Variants in NEO1 observed in about 807,000 individuals in gnomAD.
NEO1 encodes neogenin.
In NEO1, 63 loss-of-function variants were observed where a neutral mutation model predicts 159.7. The observed-to-expected ratio is 0.39, with a 90% CI of 0.32 to 0.49. NEO1 has a LOEUF of 0.49. Among genes scored for constraint, NEO1 ranks in the 20% least tolerant of loss-of-function variants. The pLI is 0.85. For synonymous variants in NEO1, 633 were observed against 662.0 expected (o/e 0.96, Z 0.67); for missense variants, 1,615 against 1,831.0 (o/e 0.88, Z 2.15).
intron 1 of NEO1, among the ~76,000 whole-genome samples, chr15:73,081,905 C>T (rs987816562): frequency 2.1e-5 from 3 of 141,752 alleles, no homozygotes; most frequent in Non-Finnish European, 3.0e-5. Context: ...CTTGCTCTGT[C>T]ACCCAGGCTT....
intron 5 of NEO1, among the ~76,000 whole-genome samples, chr15:73,163,197 A>C (rs913870936): frequency 5.3e-5 from 8 of 152,194 alleles, no homozygotes; most frequent in Non-Finnish European, 1.0e-4. Flanking sequence ...GAATGACAAC[A>C]AAAAACATGT....
chr15:73,160,439 T>A (rs139713057), intron 5 of NEO1, among the ~76,000 whole-genome samples: 1 of 152,302 alleles, frequency 6.6e-6, no homozygotes, highest in Non-Finnish European at 1.5e-5. Flanking sequence ...CCTCACCATT[T>A]CCATGTAGAG....
chr15:73,081,530 G>A (rs994265812), intron 1 of NEO1, among the ~76,000 whole-genome samples: 1 of 151,782 alleles, frequency 6.6e-6, no homozygotes, highest in Admixed American at 6.6e-5. Context: ...CCAGAACGTA[G>A]TATGGATCTG....
intron 7 of NEO1, among the ~76,000 whole-genome samples, chr15:73,218,452 G>A (rs1053298170): frequency 1.4e-4 from 21 of 151,990 alleles, no homozygotes; most frequent in African/African-American, 5.1e-4. Flanking sequence ...AAATGAGTTA[G>A]GGAGGATTCC....
intron 9 of NEO1, 27 bp downstream of exon 9, chr15:73,244,525 C>G (rs747203647): frequency 6.2e-7 from 1 of 1,609,434 alleles, no homozygotes; most frequent in Non-Finnish European, 8.5e-7. Context: ...TCTGTCAGCA[C>G]CCCCTAGAGG....
chr15:73,120,175 TAATTA>T (rs2071559850), intron 2 of NEO1, among the ~76,000 whole-genome samples: 1 of 151,728 alleles, frequency 6.6e-6, no homozygotes. Context: ...TAATTTAATT[TAATTA>T]AAATAGAACC....
chr15:73,090,018 G>C (rs1021556633), intron 1 of NEO1, among the ~76,000 whole-genome samples: 1 of 152,006 alleles, frequency 6.6e-6, no homozygotes, highest in African/African-American at 2.4e-5. Flanking sequence ...GATGTGTCCT[G>C]GTTTGGAAGA....
chr15:73,058,214 G>C (rs2067809513), intron 1 of NEO1, among the ~76,000 whole-genome samples: 1 of 152,180 alleles, frequency 6.6e-6, no homozygotes, highest in Non-Finnish European at 1.5e-5. Flanking sequence ...AGTAGTTACA[G>C]AACACTCCCT....
intron 1 of NEO1, among the ~76,000 whole-genome samples, chr15:73,073,001 A>G (rs998676623): frequency 6.6e-6 from 1 of 152,160 alleles, no homozygotes; most frequent in Non-Finnish European, 1.5e-5. Context: ...CAAGAAGAAC[A>G]TGCGTTTAAT....
rs1372667000 is a variant in NEO1, at chr15:73,305,020, TG to T, written c.*2326del. The T allele has an allele frequency of 6.6e-6, 1 of 152,186 alleles. No homozygotes were observed. Among genetic ancestry groups the T allele is most frequent in the Non-Finnish European group, 1.5e-5 (1 of 68,068 alleles). The allele number at this position is 152,186 out of a possible 1,614,324, so 9.4% of individuals were successfully genotyped here. A position where few individuals can be genotyped will look rare whatever the true frequency, so the allele number is the denominator to read the frequency against. ...GCTCAGCAGCTTCCTCGGGGGGATT[TG>T]GAACACCTGTGTCTGTCGCCGCACT... On this transcript the variant is annotated 3_prime_UTR_variant, in exon 29 of 29. Coordinates refer to ENST00000261908, the MANE Select transcript of NEO1 (RefSeq NM_002499.4).
At chr15:73,176,666 T>C (rs1030548027) in intron 6 of NEO1, 109 bp downstream of exon 6, 3 of 749,154 alleles carry the variant, frequency 4.0e-6, no homozygotes, top group Non-Finnish European at 6.0e-6. Context: ...GTACTGCAAA[T>C]GAAATAGAAG....
chr15:73,054,344 G>A (rs184186655), intron 1 of NEO1, among the ~76,000 whole-genome samples: 2 of 152,288 alleles, frequency 1.3e-5, no homozygotes, highest in Non-Finnish European at 2.9e-5. Flanking sequence ...TAAAAATAAT[G>A]CAAGCAGTCT....
intron 1 of NEO1, among the ~76,000 whole-genome samples, chr15:73,060,860 G>A (rs1485300319): frequency 1.3e-5 from 2 of 151,458 alleles, no homozygotes; most frequent in Admixed American, 6.6e-5. Context: ...ATATTGCCAA[G>A]GCTGGTCTCA....
intron 1 of NEO1, among the ~76,000 whole-genome samples, chr15:73,106,357 A>G (rs1043265926): frequency 6.6e-6 from 1 of 152,218 alleles, no homozygotes; most frequent in African/African-American, 2.4e-5. Context: ...AATCTTCTAG[A>G]TAGCACATTA....
At chr15:73,053,634 G>A (rs1360998876) in intron 1 of NEO1, among the ~76,000 whole-genome samples, 1 of 152,148 alleles carries the variant, frequency 6.6e-6, no homozygotes, top group Admixed American at 6.5e-5. Flanking sequence ...ATAGATTACT[G>A]AAACCACCTG....
At chr15:73,195,945 A>C (rs1482191756) in intron 7 of NEO1, among the ~76,000 whole-genome samples, 1 of 152,212 alleles carries the variant, frequency 6.6e-6, no homozygotes, top group African/African-American at 2.4e-5. Context: ...TTTCTCTGTC[A>C]ACTACATCCT....
Position 73,270,208 on chromosome 15 carries a change from A to C in NEO1, c.2693A>C (p.Asn898Thr). 1 of 1,614,202 alleles carries C rather than the reference A, an allele frequency of 6.2e-7. No homozygotes were observed. Among genetic ancestry groups the C allele is most frequent in the Non-Finnish European group, 8.5e-7 (1 of 1,180,036 alleles). The change falls in exon 17 of 29, where the codon AAC (asparagine) becomes ACC (threonine). Residue 898 changes from asparagine (N) to threonine (T), a missense_variant. This residue lies in a region of NEO1 where 1,018 missense variants were observed against 1,115.4 expected (regional missense o/e 0.91). Coordinates refer to ENST00000261908, the MANE Select transcript of NEO1 (RefSeq NM_002499.4). The part of the protein sequence containing the change: ...SRYYTVRWKT[N>T]IPANTKYKNA... ...TACTACACCGTCCGATGGAAAACCA[A>C]CATCCCAGCAAACACCAAGTACAAG...
intron 14 of NEO1, 126 bp from the exon 15 acceptor site, chr15:73,260,145 T>G: frequency 1.4e-6 from 1 of 707,654 alleles, no homozygotes; most frequent in Non-Finnish European, 2.3e-6. Flanking sequence ...TTTTGAACTC[T>G]TGGGCATAAT....
intron 1 of NEO1, among the ~76,000 whole-genome samples, chr15:73,103,084 T>C (rs182267501): frequency 1.1e-3 from 172 of 152,344 alleles, no homozygotes; most frequent in Admixed American, 2.2e-3. Context: ...TGCCATTTTT[T>C]TTTCTGTCAC....
Sources: gnomAD v4.1 joint callset for allele counts (sites outside exome capture counted in the v4.1 genomes callset) on GRCh38, gnomAD v4.1.1 for gene constraint, gnomAD v4.1.1 regional missense constraint, MANE v1.5 for transcripts, NCBI Gene and HGNC (gene_info 2026-07-23, HGNC 2026-07-21) for gene names.